Variants in CPXM2 observed in about 807,000 individuals in gnomAD.
CPXM2 encodes the protein inactive carboxypeptidase-like protein X2.
Under a neutral mutation model 86.1 loss-of-function variants are expected in CPXM2, and 66 were observed. That is an observed-to-expected ratio of 0.77 (90% confidence interval 0.63 to 0.94). The LOEUF (loss-of-function observed/expected upper bound fraction) is 0.94. Ranked by LOEUF, CPXM2 falls within the 40% of genes least tolerant of loss-of-function variation. CPXM2 has a pLI of 0.00. For missense variants in CPXM2, 948 were observed against 1,026.3 expected, an observed-to-expected ratio of 0.92 and a Z score of 1.04; for synonymous variants, 388 against 400.2, an observed-to-expected ratio of 0.97 and a Z score of 0.36.
intron 6 of CPXM2, among the ~76,000 whole-genome samples, chr10:123,783,797 G>C (rs1846988845): frequency 6.6e-6 from 1 of 152,074 alleles, no homozygotes; most frequent in African/African-American, 2.4e-5. Context: ...CAGTCTATGG[G>C]GGCTTTATCC....
At chr10:123,873,436 C>T (rs1382564133) in intron 2 of CPXM2, among the ~76,000 whole-genome samples, 1 of 152,106 alleles carries the variant, frequency 6.6e-6, no homozygotes. Context: ...GTTCATTCTC[C>T]CAAATTGATT....
At chr10:123,762,767 T>A (rs917200209) in intron 10 of CPXM2, among the ~76,000 whole-genome samples, 1 of 152,254 alleles carries the variant, frequency 6.6e-6, no homozygotes, top group African/African-American at 2.4e-5. Context: ...AAGTTTGATA[T>A]GGTCAAACAT....
At chr10:123,825,655 C>G (rs575612052) in intron 4 of CPXM2, among the ~76,000 whole-genome samples, 1 of 152,318 alleles carries the variant, frequency 6.6e-6, no homozygotes, top group South Asian at 2.1e-4. Flanking sequence ...AAGCATCACA[C>G]AGCAGTCTCA....
chr10:123,922,631 G>T (rs1945587254), intron 2 of CPXM2, among the ~76,000 whole-genome samples: 1 of 152,330 alleles, frequency 6.6e-6, no homozygotes, highest in East Asian at 1.9e-4. Context: ...GTCTCACTGA[G>T]TCTACAACAT....
intron 2 of CPXM2, chr10:123,931,573 G>A (rs1945666642): frequency 6.6e-6 from 1 of 152,060 alleles, no homozygotes. Flanking sequence ...AGAGACATTT[G>A]GCTTCTTTCC....
intron 12 of CPXM2, among the ~76,000 whole-genome samples, chr10:123,756,054 C>T (rs1846199047): frequency 6.6e-6 from 1 of 152,220 alleles, no homozygotes; most frequent in Non-Finnish European, 1.5e-5. Flanking sequence ...GGGACAGAGT[C>T]AGATGCTAAA....
chr10:123,932,827 G>T (rs1288861163), intron 2 of CPXM2, among the ~76,000 whole-genome samples: 6 of 152,204 alleles, frequency 3.9e-5, no homozygotes, highest in Non-Finnish European at 5.9e-5. Context: ...CTCCAACAGG[G>T]AATGCAAAGG....
At chr10:123,826,362 A>C (rs539921800) in intron 4 of CPXM2, among the ~76,000 whole-genome samples, 42 of 152,294 alleles carry the variant, frequency 2.8e-4, no homozygotes, top group Admixed American at 2.0e-4. Context: ...CATCCTGGTC[A>C]CTATACTGTG....
In CPXM2 at chr10:123,842,430, A is replaced by G. The variant is rs1270802090; in HGVS notation, c.572T>C (p.Leu191Pro). ...AGCATCCACTTCAATCCACTGCTGG[A>G]GGTCATTTCTTCCCGCGCACCACGC... ...DGAWCAGRND[L>P]QQWIEVDARR... Residue 191 changes from leucine (L) to proline (P), a missense_variant, in exon 4 of 14, where the codon CTC becomes CCC. Coordinates refer to ENST00000241305, the MANE Select transcript of CPXM2 (RefSeq NM_198148.3). The G allele has an allele frequency of 6.2e-7, 1 of 1,614,222 alleles. No homozygotes were observed.
intron 1 of CPXM2, chr10:123,887,178 A>G (rs568423785): frequency 2.6e-5 from 4 of 152,190 alleles, no homozygotes; most frequent in Non-Finnish European, 5.9e-5. Context: ...GTGAGAGTCC[A>G]TCCATGGAAG....
intron 2 of CPXM2, among the ~76,000 whole-genome samples, chr10:123,873,162 AAAT>A (rs1222215020): frequency 2.0e-5 from 3 of 148,102 alleles, no homozygotes; most frequent in East Asian, 4.4e-4. Flanking sequence ...CTTAAATATC[AAAT>A]AATATGTGAT....
intron 2 of CPXM2, among the ~76,000 whole-genome samples, chr10:123,937,546 G>A (rs1375672776): frequency 2.0e-5 from 3 of 148,360 alleles, no homozygotes; most frequent in Admixed American, 1.3e-4. Context: ...ATGGAGAGAA[G>A]CTGTTTCCAC....
intron 1 of CPXM2, among the ~76,000 whole-genome samples, chr10:123,889,325 C>T (rs564493262): frequency 2.6e-5 from 4 of 152,290 alleles, no homozygotes; most frequent in East Asian, 1.9e-4. Flanking sequence ...ATCACCTCTT[C>T]GGGGAAGCAT....
chr10:123,825,427 G>T (rs1564786851), intron 4 of CPXM2, among the ~76,000 whole-genome samples: 1 of 152,198 alleles, frequency 6.6e-6, no homozygotes, highest in Admixed American at 6.5e-5. Context: ...CCTGATGCCT[G>T]TTCTCCCCAT....
At chr10:123,859,004 G>A (rs1038146302) in intron 3 of CPXM2, among the ~76,000 whole-genome samples, 4 of 152,160 alleles carry the variant, frequency 2.6e-5, no homozygotes, top group Non-Finnish European at 2.9e-5. Flanking sequence ...CATCTCACCC[G>A]AGGCCACATG....
chr10:123,898,080 G>C (rs923603197), intron 2 of CPXM2, among the ~76,000 whole-genome samples: 3 of 152,206 alleles, frequency 2.0e-5, no homozygotes, highest in Non-Finnish European at 4.4e-5. Flanking sequence ...TGATGTTTCT[G>C]CAAGAGAACA....
chr10:123,859,121 C>T lies in CPXM2; in HGVS notation c.513+3493G>A, dbSNP rs77834941. 9.8e-3 allele frequency among the ~76,000 whole-genome samples: 1,490 copies of T among 152,302 alleles called. 17 individuals are homozygous for T. The highest frequency in any genetic ancestry group is 0.032 in the African/African-American group (1,315 of 41,562). ...CCTATAGAGTCCTAGGCCGGCACAG[C>T]GCTAGGCTAAACCAGCTCACAGCCT... is the stretch of plus-strand genomic sequence containing the variant. On this transcript the variant is annotated intron_variant, in intron 3 of 13. Transcript: ENST00000241305.
At chr10:123,915,262 A>G (rs1175109522) in intron 2 of CPXM2, among the ~76,000 whole-genome samples, 1 of 152,130 alleles carries the variant, frequency 6.6e-6, no homozygotes, top group Non-Finnish European at 1.5e-5. Flanking sequence ...TCCATCCAAA[A>G]TAAGCCCCAC....
chr10:123,868,578 T>C (rs767384999), intron 2 of CPXM2, among the ~76,000 whole-genome samples: 1 of 152,016 alleles, frequency 6.6e-6, no homozygotes, highest in African/African-American at 2.4e-5. Flanking sequence ...TTCTAAGGGC[T>C]GAAGGAAAAG....
Sources: allele counts gnomAD v4.1 joint callset (sites outside exome capture counted in the v4.1 genomes callset), GRCh38; gene constraint gnomAD v4.1.1; transcripts MANE v1.5; gene names NCBI Gene and HGNC (gene_info 2026-07-23, HGNC 2026-07-21).